The following CSMD3 variants were observed in gnomAD, a reference collection of about 807,000 sequenced individuals.
CSMD3 encodes the protein CUB and sushi domain-containing protein 3.
A neutral mutation model predicts 435.2 loss-of-function variants in CSMD3; 177 were observed. The observed-to-expected ratio is 0.41, with a 90% CI of 0.36 to 0.46. The LOEUF (loss-of-function observed/expected upper bound fraction) is 0.46. Ranked by LOEUF, CSMD3 falls within the 20% of genes least tolerant of loss-of-function variation. The probability of loss-of-function intolerance (pLI) is 0.34; values close to 1 mark genes in which losing one functional copy is unlikely to be tolerated. For synonymous variants in CSMD3, 1,656 were observed against 1,520.5 expected (o/e 1.09, Z -2.07); for missense variants, 4,265 against 4,504.6 (o/e 0.95, Z 1.52).
At chr8:112,812,784 G>T (rs562781962) in intron 12 of CSMD3, among the ~76,000 whole-genome samples, 38 of 152,198 alleles carry the variant, frequency 2.5e-4, no homozygotes, top group African/African-American at 8.9e-4. Context: ...TAACTTCAGT[G>T]TTCATAGTTC....
chr8:112,235,701 G>A (rs1385083091), intron 67 of CSMD3, among the ~76,000 whole-genome samples: 2 of 152,086 alleles, frequency 1.3e-5, no homozygotes, highest in African/African-American at 4.8e-5. Context: ...ATGTAATAGG[G>A]CACCATAATA....
intron 3 of CSMD3, among the ~76,000 whole-genome samples, chr8:113,216,913 G>A (rs1183397470): frequency 2.0e-5 from 3 of 151,806 alleles, no homozygotes; most frequent in Non-Finnish European, 2.9e-5. Context: ...ATTAGTCAAA[G>A]CCTAAGATCC....
At chr8:113,374,784 TG>T (rs2094368145) in intron 1 of CSMD3, among the ~76,000 whole-genome samples, 1 of 144,158 alleles carries the variant, frequency 6.9e-6, no homozygotes. Flanking sequence ...TTATTCTTTG[TG>T]TACACTGCCA....
chr8:113,120,700 T>C (rs139946343), intron 4 of CSMD3, among the ~76,000 whole-genome samples: 2 of 152,272 alleles, frequency 1.3e-5, no homozygotes, highest in Non-Finnish European at 2.9e-5. Flanking sequence ...TTTTGAGCTG[T>C]GTATTCTTCC....
chr8:112,700,062 T>G lies in CSMD3; in HGVS notation c.1973-10012A>C, dbSNP rs181003849. Among the ~76,000 whole-genome samples, 177 of 152,328 alleles carry G rather than the reference T, an allele frequency of 1.2e-3. 2 individuals carry two copies. The highest frequency in any genetic ancestry group is 4.0e-3 in the African/African-American group (166 of 41,582). On this transcript the variant is annotated intron_variant, in intron 13 of 70. Transcript: ENST00000297405. Reference sequence around the variant, plus strand: ...TGATTTTCTGATTTGTATGGTTGTTTTGTGGTTACATAAAGGAGTTTTTTG... The same window carrying G: ...TGATTTTCTGATTTGTATGGTTGTTGTGTGGTTACATAAAGGAGTTTTTTG...
chr8:112,250,726 T>C (rs1044116236), intron 63 of CSMD3, among the ~76,000 whole-genome samples: 5 of 151,852 alleles, frequency 3.3e-5, no homozygotes, highest in Non-Finnish European at 7.4e-5. Flanking sequence ...ATTATTTGTA[T>C]ATCAAACATT....
At chr8:112,637,941 G>T (rs1339107933) in intron 21 of CSMD3, among the ~76,000 whole-genome samples, 1 of 151,758 alleles carries the variant, frequency 6.6e-6, no homozygotes, top group African/African-American at 2.4e-5. Flanking sequence ...TAGCAAGTTG[G>T]CATAAGATTT....
intron 38 of CSMD3, among the ~76,000 whole-genome samples, chr8:112,364,690 A>G (rs966457199): frequency 4.6e-5 from 7 of 152,088 alleles, no homozygotes; most frequent in African/African-American, 1.7e-4. Flanking sequence ...ACAACTGGAA[A>G]GTACAAGTTC....
chr8:112,696,220 A>G (rs2076251873), intron 13 of CSMD3, among the ~76,000 whole-genome samples: 1 of 152,202 alleles, frequency 6.6e-6, no homozygotes, highest in African/African-American at 2.4e-5. Flanking sequence ...ATTTGAAAAA[A>G]CTACTTTAAA....
At chr8:112,450,589 G>A (rs1404913525) in intron 32 of CSMD3, among the ~76,000 whole-genome samples, 6 of 152,116 alleles carry the variant, frequency 3.9e-5, no homozygotes, top group Admixed American at 1.3e-4. Flanking sequence ...ACCTTACATC[G>A]GAAAACGCAG....
intron 32 of CSMD3, among the ~76,000 whole-genome samples, chr8:112,451,844 A>G (rs1293692308): frequency 1.3e-5 from 2 of 152,124 alleles, no homozygotes; most frequent in African/African-American, 4.8e-5. Flanking sequence ...GGCCCCAAAG[A>G]TTTTTAAATG....
intron 1 of CSMD3, among the ~76,000 whole-genome samples, chr8:113,331,145 A>G (rs1180817771): frequency 6.6e-6 from 1 of 151,828 alleles, no homozygotes; most frequent in Non-Finnish European, 1.5e-5. Context: ...TACCAGCCTT[A>G]ACGAAATAAG....
At position 113,245,863 on chromosome 8, in the gene CSMD3, T is replaced by G. The variant is rs146916000; in HGVS notation, c.514+32729A>C. On this transcript the variant is annotated intron_variant, in intron 3 of 70. Coordinates refer to ENST00000297405, the MANE Select transcript of CSMD3 (RefSeq NM_198123.2). ...TTGGCATACCTGGAAATGTATTAAT[T>G]TATTCTTTATTTTTAAAATATTGTT... Among the ~76,000 whole-genome samples the G allele has an allele frequency of 4.5e-3, 687 of 152,144 alleles. 21 individuals carry two copies. The highest frequency in any genetic ancestry group is 0.037 in the Admixed American group (564 of 15,264).
chr8:112,494,469 TTTC>T (rs1821044320), intron 30 of CSMD3, among the ~76,000 whole-genome samples: 1 of 105,456 alleles, frequency 9.5e-6, no homozygotes, highest in Non-Finnish European at 2.5e-5. Context: ...CTCCTTTCTC[TTTC>T]TTTTCTTTTG....
intron 35 of CSMD3, among the ~76,000 whole-genome samples, chr8:112,399,332 C>T (rs1389474314): frequency 2.0e-5 from 3 of 151,036 alleles, no homozygotes; most frequent in African/African-American, 7.3e-5. Context: ...GTATTCTTGG[C>T]TCACTGCAAC....
chr8:112,969,655 G>C (rs1023425679), intron 7 of CSMD3, among the ~76,000 whole-genome samples: 1 of 151,872 alleles, frequency 6.6e-6, no homozygotes, highest in African/African-American at 2.4e-5. Flanking sequence ...CCATCGGGAA[G>C]TCCAATAAAA....
chr8:113,263,402 A>C (rs532578717), intron 3 of CSMD3, among the ~76,000 whole-genome samples: 16 of 152,160 alleles, frequency 1.1e-4, no homozygotes, highest in African/African-American at 3.6e-4. Flanking sequence ...AAGTCCCACA[A>C]CCAGTGCTTT....
intron 11 of CSMD3, among the ~76,000 whole-genome samples, chr8:112,857,855 A>G (rs764042244): frequency 6.6e-6 from 1 of 151,654 alleles, no homozygotes; most frequent in Non-Finnish European, 1.5e-5. Context: ...TTCCTCAACA[A>G]CCAATAATTT....
intron 3 of CSMD3, among the ~76,000 whole-genome samples, chr8:113,237,634 C>T (rs1469228011): frequency 6.7e-6 from 1 of 149,456 alleles, no homozygotes; most frequent in Non-Finnish European, 1.5e-5. Flanking sequence ...AGATGAATTA[C>T]TCAGATTGTT....
Sources: allele counts gnomAD v4.1 joint callset (sites outside exome capture counted in the v4.1 genomes callset), GRCh38; gene constraint gnomAD v4.1.1; transcripts MANE v1.5; gene names NCBI Gene and HGNC (gene_info 2026-07-23, HGNC 2026-07-21).